MRPL43: variants seen among roughly 807,000 people sequenced by gnomAD.
MRPL43 encodes mitochondrial ribosomal protein L43, also known as large ribosomal subunit protein mL43.
In MRPL43, 9 loss-of-function variants were observed where a neutral mutation model predicts 12.7. The ratio of observed to expected loss-of-function variants is 0.71; its 90% CI spans 0.43 to 1.24. The LOEUF (loss-of-function observed/expected upper bound fraction) is 1.24. MRPL43 is among the 50% of genes most tolerant of loss of function. The pLI is 0.00. For missense variants in MRPL43, 211 were observed against 229.2 expected, an observed-to-expected ratio of 0.92 and a Z score of 0.51; for synonymous variants, 116 against 96.4, an observed-to-expected ratio of 1.20 and a Z score of -1.19.
downstream of MRPL43, chr10:100,979,913 G>A (rs1850979819): frequency 6.2e-7 from 1 of 1,614,124 alleles, no homozygotes; most frequent in Admixed American, 1.7e-5. Flanking sequence ...GTCTTTGCAG[G>A]ACCCTATATG....
In MRPL43 at chr10:100,986,858, A is replaced by C; in HGVS notation, c.356T>G (p.Phe119Cys). Reference sequence around the variant, plus strand: ...CTGGATGCTAGGGTTGTCGGTGTGGAAGGGCTTGCGGATGCGGATCACGTC... The same window carrying C: ...CTGGATGCTAGGGTTGTCGGTGTGGCAGGGCTTGCGGATGCGGATCACGTC... The part of the protein sequence containing the change: ...GLDVIRIRKP[F>C]HTDNPSIQGQ... The change falls in exon 3 of 3, where the codon TTC (phenylalanine) becomes TGC (cysteine). Residue 119 changes from phenylalanine to cysteine, a missense_variant. Transcript: ENST00000318364. The C allele has an allele frequency of 6.2e-7, 1 of 1,613,732 alleles. No individual in the cohort carries two copies. Among genetic ancestry groups the C allele is most frequent in the South Asian group, 1.1e-5 (1 of 91,082 alleles).
chr10:100,979,855 C>G (rs200241224), downstream of MRPL43: 390 of 1,613,744 alleles, frequency 2.4e-4, 2 homozygotes, highest in East Asian at 7.8e-3. Context: ...TAGGAAGACC[C>G]TGGAGGCCTC....
chr10:100,978,339 G>A (rs374443024), downstream of MRPL43: 13 of 1,613,624 alleles, frequency 8.1e-6, no homozygotes, highest in Admixed American at 1.7e-5. Context: ...AGGAGGGGAA[G>A]GAGAAGTGTC....
downstream of MRPL43, chr10:100,979,708 G>A: frequency 6.3e-6 from 6 of 954,486 alleles, no homozygotes; most frequent in Non-Finnish European, 9.6e-6. Context: ...GAATGCAGTG[G>A]TCCACTGACT....
downstream of MRPL43, chr10:100,979,522 A>G: frequency 9.9e-7 from 1 of 1,009,896 alleles, no homozygotes; most frequent in Non-Finnish European, 1.4e-6. Context: ...AGCTGGGACT[A>G]TAGGCGTGTG....
downstream of MRPL43, chr10:100,978,521 C>G: frequency 6.2e-7 from 1 of 1,612,940 alleles, no homozygotes; most frequent in Non-Finnish European, 8.5e-7. Flanking sequence ...AATATCCCCA[C>G]GCCAGATGGA....
At chr10:100,979,905 C>A, downstream of MRPL43, 1 of 1,614,110 alleles carries the variant, frequency 6.2e-7, no homozygotes, top group Non-Finnish European at 8.5e-7. Context: ...TCCAGGCTGT[C>A]TTTGCAGGAC....
At chr10:100,980,765 G>C, downstream of MRPL43, 1 of 1,604,094 alleles carries the variant, frequency 6.2e-7, no homozygotes, top group Admixed American at 1.7e-5. Flanking sequence ...TTGGGCAGAG[G>C]CTGTGTATCT....
chr10:100,983,903 A>G (rs747411482), downstream of MRPL43: 3 of 119,558 alleles, frequency 2.5e-5, no homozygotes, highest in African/African-American at 1.1e-4. Context: ...AGGGAGCCCC[A>G]GCCCCACCAC....
At chr10:100,983,643 T>A (rs1395953506), downstream of MRPL43, 3 of 1,613,866 alleles carry the variant, frequency 1.9e-6, no homozygotes, top group Non-Finnish European at 2.5e-6. Context: ...GAGACTGCTC[T>A]ATGTGCTAGC....
rs1435247550 is a variant in MRPL43 at position 100,987,092 on chromosome 10, T to C, written c.236A>G (p.Tyr79Cys). The stretch of plus-strand genomic sequence containing the variant: ...AGCCCGAGCCCGGCCCCACTCACGG[T>C]ATTCGGCCACTACTCTGGGCACGCA... ...PCCVPRVVAE[Y>C]LNGAVREESI... The change falls in exon 2 of 3, where the codon TAC (tyrosine) becomes TGC (cysteine). Residue 79 changes from tyrosine (Y) to cysteine (C), a missense_variant and splice_region_variant. Physicochemically the swap from Tyr to Cys is radical, Grantham distance 194. Transcript: ENST00000318364. 6.2e-7 allele frequency: 1 copy of C among 1,613,392 alleles called. No individual in the cohort carries two copies. The highest frequency in any genetic ancestry group is 8.5e-7 in the Non-Finnish European group (1 of 1,180,008).
chr10:100,986,473 G>C lies in MRPL43; in HGVS notation c.*261C>G. On this transcript the variant is annotated 3_prime_UTR_variant, in exon 3 of 3. Coordinates refer to ENST00000318364, the MANE Select transcript of MRPL43 (RefSeq NM_032112.3). Reference sequence around the variant, plus strand: ...ATCAATTTGGATTTAAAAAACAAGGGCCCTGTAAAACCCTTGAAGTCTTCC... The same window carrying C: ...ATCAATTTGGATTTAAAAAACAAGGCCCCTGTAAAACCCTTGAAGTCTTCC... 10 of 1,536,552 alleles carry C rather than the reference G, an allele frequency of 6.5e-6. No individual in the cohort carries two copies. Among genetic ancestry groups the C allele is most frequent in the Non-Finnish European group, 8.7e-6 (10 of 1,142,914 alleles).
Position 100,986,383 on chromosome 10 carries a change from T to C in MRPL43, c.*351A>G. 1 of 1,464,094 alleles carries C rather than the reference T, an allele frequency of 6.8e-7. No individual in the cohort carries two copies. The highest frequency in any genetic ancestry group is 9.0e-7 in the Non-Finnish European group (1 of 1,112,088). The allele number at this position is 1,464,094 out of a possible 1,614,324, so 90.7% of individuals were successfully genotyped here. A position where few individuals can be genotyped will look rare whatever the true frequency, so the allele number is the denominator to read the frequency against. On this transcript the variant is annotated 3_prime_UTR_variant, in exon 3 of 3. Transcript: ENST00000318364. ...CTCCGTAGCTCAGTGGTTGTTCCAA[T>C]AAGACATCAGGGATTCTTCAGAAGC...
At chr10:100,982,323 G>A (rs959651735), downstream of MRPL43, among the ~76,000 whole-genome samples, 1 of 152,168 alleles carries the variant, frequency 6.6e-6, no homozygotes, top group Non-Finnish European at 1.5e-5. Context: ...AAAGCAATAG[G>A]AAACCTCTGA....
downstream of MRPL43, chr10:100,979,129 CAGA>C (rs1179910574): frequency 3.1e-6 from 5 of 1,614,176 alleles, no homozygotes; most frequent in Non-Finnish European, 4.2e-6. Flanking sequence ...GAAGATCCTG[CAGA>C]AGAAGTGGAC....
chr10:100,978,363 C>T, downstream of MRPL43: 3 of 1,613,492 alleles, frequency 1.9e-6, no homozygotes, highest in Middle Eastern at 1.6e-4. Flanking sequence ...ATGACCCAGC[C>T]CGTGGCTTCA....
chr10:100,986,932 G>C lies in MRPL43; in HGVS notation c.282C>G (p.Val94=). The change falls in exon 3 of 3, where the codon GTC becomes GTG. Residue 94 remains valine, a synonymous_variant. Coordinates refer to ENST00000318364, the MANE Select transcript of MRPL43 (RefSeq NM_032112.3). ...TCTGCACCAGCGTCGAGATCTCCTC[G>C]ACCGACTTGCAGTGGATGCTCTCCT... ...VREESIHCKS[V]EEISTLVQKL... is the part of the protein sequence containing the mutation. 1 of 1,609,478 alleles carries C rather than the reference G, an allele frequency of 6.2e-7. No individual in the cohort carries two copies. The highest frequency in any genetic ancestry group is 1.1e-5 in the South Asian group (1 of 91,066).
downstream of MRPL43, chr10:100,979,386 ATTTTT>A (rs35784439): frequency 6.8e-6 from 10 of 1,464,876 alleles, no homozygotes; most frequent in Middle Eastern, 2.2e-4. Context: ...CAAAGTGAGA[ATTTTT>A]TTTTTTTTTT....
chr10:100,984,080 A>G (rs1227060568), downstream of MRPL43: 2 of 1,613,706 alleles, frequency 1.2e-6, no homozygotes, highest in Non-Finnish European at 1.7e-6. Flanking sequence ...GCATCCTGGA[A>G]AAAAGGAAGC....
Sources: gnomAD v4.1 joint callset for allele counts (sites outside exome capture counted in the v4.1 genomes callset) on GRCh38, gnomAD v4.1.1 for gene constraint, MANE v1.5 for transcripts, NCBI Gene and HGNC (gene_info 2026-07-23, HGNC 2026-07-21) for gene names.